PATJ: variants seen among roughly 807,000 people sequenced by gnomAD.
PATJ encodes the protein PATJ crumbs cell polarity complex component, also known as inaD-like protein.
A neutral mutation model predicts 224.9 loss-of-function variants in PATJ; 190 were observed. The observed-to-expected ratio is 0.84, with a 90% CI of 0.75 to 0.95. The LOEUF (loss-of-function observed/expected upper bound fraction) is 0.95. PATJ is among the 40% of genes least tolerant of loss of function. The pLI is 0.00. For missense variants in PATJ, 2,121 were observed against 2,270.3 expected (o/e 0.93, Z 1.34); for synonymous variants, 769 against 820.3 (o/e 0.94, Z 1.07).
At chr1:61,750,968 A>G (rs533800259) in intron 1 of PATJ, among the ~76,000 whole-genome samples, 2 of 148,248 alleles carry the variant, frequency 1.3e-5, no homozygotes, top group South Asian at 2.2e-4. Flanking sequence ...ACCTTTTTTC[A>G]TAGTATCCCT....
intron 14 of PATJ, among the ~76,000 whole-genome samples, chr1:61,821,246 C>T (rs1657208134): frequency 6.6e-6 from 1 of 151,906 alleles, no homozygotes; most frequent in Non-Finnish European, 1.5e-5. Context: ...AGGGTTTCAC[C>T]GTGTTAGCCA....
chr1:61,777,250 T>G (rs1336055243), intron 7 of PATJ, among the ~76,000 whole-genome samples: 1 of 152,174 alleles, frequency 6.6e-6, no homozygotes, highest in African/African-American at 2.4e-5. Flanking sequence ...ACCATAAGCA[T>G]GACATTTCCC....
intron 7 of PATJ, among the ~76,000 whole-genome samples, chr1:61,780,001 C>T (rs1390375121): frequency 6.6e-6 from 1 of 152,090 alleles, no homozygotes; most frequent in African/African-American, 2.4e-5. Flanking sequence ...ACTCACTGCA[C>T]CAAGCCATTC....
chr1:61,997,544 T>G (rs1056025454), intron 28 of PATJ, among the ~76,000 whole-genome samples: 1 of 152,190 alleles, frequency 6.6e-6, no homozygotes. Context: ...AATAGGGAAT[T>G]GAGCTAACAT....
intron 31 of PATJ, among the ~76,000 whole-genome samples, chr1:62,055,759 T>C (rs1654431342): frequency 6.6e-6 from 1 of 152,202 alleles, no homozygotes; most frequent in Non-Finnish European, 1.5e-5. Context: ...ACTAATGTAT[T>C]AGGGTTCTCC....
At chr1:61,747,893 A>G (rs1645104431) in intron 1 of PATJ, among the ~76,000 whole-genome samples, 1 of 152,232 alleles carries the variant, frequency 6.6e-6, no homozygotes, top group Non-Finnish European at 1.5e-5. Flanking sequence ...ATTTCATGTA[A>G]AAAGGAATCT....
At chr1:62,010,554 A>G (rs1646387982) in intron 28 of PATJ, among the ~76,000 whole-genome samples, 1 of 150,110 alleles carries the variant, frequency 6.7e-6, no homozygotes, top group Non-Finnish European at 1.5e-5. Context: ...TGTGCTTGGT[A>G]TATTTCACTT....
intron 28 of PATJ, among the ~76,000 whole-genome samples, chr1:62,013,006 G>C (rs1201340961): frequency 6.6e-6 from 1 of 152,248 alleles, no homozygotes; most frequent in Non-Finnish European, 1.5e-5. Context: ...GCCGGGAGCA[G>C]CTGCCTTAGC....
At chr1:61,908,033 C>G (rs1672090837) in intron 24 of PATJ, among the ~76,000 whole-genome samples, 1 of 152,182 alleles carries the variant, frequency 6.6e-6, no homozygotes, top group Admixed American at 6.5e-5. Context: ...CCTCCCTTAT[C>G]CCACTCAGAA....
chr1:61,982,044 A>G (rs559730135), intron 27 of PATJ, among the ~76,000 whole-genome samples: 1 of 152,102 alleles, frequency 6.6e-6, no homozygotes, highest in African/African-American at 2.4e-5. Flanking sequence ...TCACATACAC[A>G]TCTGCAGGGG....
At chr1:61,752,903 T>G (rs570900301) in intron 1 of PATJ, among the ~76,000 whole-genome samples, 1 of 152,292 alleles carries the variant, frequency 6.6e-6, no homozygotes, top group South Asian at 2.1e-4. Context: ...GTCTTGTTAT[T>G]TGGTAGGAAC....
intron 30 of PATJ, 117 bp downstream of exon 30, chr1:62,038,166 C>A: frequency 1.7e-6 from 1 of 584,976 alleles, no homozygotes; most frequent in Admixed American, 3.0e-5. Context: ...GGAAAATTTC[C>A]CTAACCAAAA....
chr1:62,133,220 A>AT (rs1267246052), intron 41 of PATJ, among the ~76,000 whole-genome samples: 1 of 151,502 alleles, frequency 6.6e-6, no homozygotes, highest in Non-Finnish European at 1.5e-5. Context: ...CAAGTGTTGA[A>AT]TTTTTTTTAT....
intron 22 of PATJ, among the ~76,000 whole-genome samples, chr1:61,898,321 G>A (rs576191914): frequency 6.6e-6 from 1 of 152,066 alleles, no homozygotes; most frequent in East Asian, 1.9e-4. Flanking sequence ...GCTCACTACA[G>A]CCTTGAACTC....
chr1:62,025,125 G>A (rs555005382), intron 29 of PATJ, among the ~76,000 whole-genome samples: 14 of 152,330 alleles, frequency 9.2e-5, no homozygotes, highest in African/African-American at 3.1e-4. Flanking sequence ...ATAAGAAATA[G>A]AGCTATCTGA....
chr1:61,981,758 G>A lies in PATJ; in HGVS notation c.3671-8410G>A, dbSNP rs923319352. On this transcript the variant is annotated intron_variant, in intron 27 of 43. Coordinates refer to ENST00000642238, the MANE Select transcript of PATJ (RefSeq NM_001350145.3). ...ACAATCTCGGCTTAGTGCAAGCTCC[G>A]CCTCCCAGATTCAAGCGATTCTCCT... is the stretch of plus-strand genomic sequence containing the variant. 7.3e-5 allele frequency among the ~76,000 whole-genome samples: 11 copies of A among 150,932 alleles called. 1 individual carries two copies. The highest frequency in any genetic ancestry group is 1.3e-4 in the Admixed American group (2 of 15,120).
intron 28 of PATJ, among the ~76,000 whole-genome samples, chr1:62,010,482 G>A (rs1311776676): frequency 1.5e-5 from 2 of 135,610 alleles, no homozygotes; most frequent in Non-Finnish European, 3.0e-5. Flanking sequence ...TCTACTCTCT[G>A]TCTTCATGAA....
chr1:61,941,503 T>A (rs147276526), intron 27 of PATJ, among the ~76,000 whole-genome samples: 9 of 151,950 alleles, frequency 5.9e-5, no homozygotes, highest in Non-Finnish European at 1.2e-4. Flanking sequence ...GTACAAAAAT[T>A]AGCCAGGTGT....
chr1:61,810,073 C>T (rs891454381), intron 14 of PATJ, among the ~76,000 whole-genome samples: 42 of 151,902 alleles, frequency 2.8e-4, no homozygotes, highest in Non-Finnish European at 4.4e-5. Context: ...TGGTCTCGAA[C>T]TCCTGACCTC....
Sources: allele counts gnomAD v4.1 joint callset (sites outside exome capture counted in the v4.1 genomes callset), GRCh38; gene constraint gnomAD v4.1.1; transcripts MANE v1.5; gene names NCBI Gene and HGNC (gene_info 2026-07-23, HGNC 2026-07-21).